Variants in KCNJ10 observed in about 807,000 individuals in gnomAD.
The protein encoded by KCNJ10 is potassium inwardly rectifying channel subfamily J member 10, also known as ATP-sensitive inward rectifier potassium channel 10.
KCNJ10 carries 9 observed loss-of-function variants against 22.2 expected under a neutral mutation model. The observed-to-expected ratio is 0.40, with a 90% confidence interval of 0.24 to 0.71. The LOEUF (loss-of-function observed/expected upper bound fraction) is 0.71. Ranked by LOEUF, KCNJ10 falls within the 30% of genes least tolerant of loss-of-function variation. KCNJ10 has a pLI of 0.35. For synonymous variants in KCNJ10, 184 were observed against 187.3 expected (o/e 0.98, Z 0.15); for missense variants, 337 against 482.7 (o/e 0.70, Z 2.83).
chr1:160,069,420 G>A (rs183746097), intron 1 of KCNJ10, among the ~76,000 whole-genome samples: 5 of 152,330 alleles, frequency 3.3e-5, no homozygotes, highest in African/African-American at 1.2e-4. Context: ...CAGCTGGGGT[G>A]AGGGTGAGGG....
chr1:160,055,692 C>T (rs1649013156), intron 1 of KCNJ10, among the ~76,000 whole-genome samples: 1 of 152,152 alleles, frequency 6.6e-6, no homozygotes, highest in Non-Finnish European at 1.5e-5. Flanking sequence ...TGCACAGTCT[C>T]ACTGTTACTC....
At chr1:160,043,586 A>C (rs1450966508) in intron 1 of KCNJ10, among the ~76,000 whole-genome samples, 1 of 152,216 alleles carries the variant, frequency 6.6e-6, no homozygotes, top group Non-Finnish European at 1.5e-5. Context: ...GGTGGAGGAG[A>C]AACAACATGT....
At chr1:160,052,645 C>T (rs957194488) in intron 1 of KCNJ10, among the ~76,000 whole-genome samples, 1 of 152,182 alleles carries the variant, frequency 6.6e-6, no homozygotes, top group African/African-American at 2.4e-5. Context: ...AAAAGCCACT[C>T]AGAACTAAGA....
intron 1 of KCNJ10, among the ~76,000 whole-genome samples, chr1:160,044,364 A>C (rs769698512): frequency 6.6e-6 from 1 of 152,236 alleles, no homozygotes; most frequent in Admixed American, 6.5e-5. Context: ...AGTACTCAGT[A>C]GTAGTAATAA....
Position 160,041,458 on chromosome 1 carries a change from C to T in KCNJ10, c.1075G>A (p.Glu359Lys), listed in dbSNP as rs2101924563. The T allele has an allele frequency of 2.5e-6, 4 of 1,614,178 alleles. No homozygotes were observed. Among genetic ancestry groups the T allele is most frequent in the East Asian group, 2.2e-5 (1 of 44,884 alleles). The stretch of plus-strand genomic sequence containing the variant: ...TTCTCAGCTTGCTCCCTTAATGACT[C>T]CTCCAACTTGAGCTTTTCAGGGTCT... ...YGDPEKLKLE[E>K]SLREQAEKEG... Residue 359 changes from glutamate to lysine, a missense_variant, in exon 2 of 2, where the codon GAG becomes AAG. By Grantham distance (56) the Glu-to-Lys change is moderately conservative. Transcript: ENST00000644903. The surrounding 1 kb of genome is among the most constrained non-coding windows in gnomAD (Gnocchi z 4.4).
chr1:160,056,007 T>A (rs1340791731), intron 1 of KCNJ10, among the ~76,000 whole-genome samples: 1 of 152,218 alleles, frequency 6.6e-6, no homozygotes. Context: ...TGTGTTTTCC[T>A]TCTTGTTCAC....
Position 160,055,313 on chromosome 1 carries a change from G to A in KCNJ10, c.1-12781C>T, listed in dbSNP as rs563352531. Among the ~76,000 whole-genome samples, 492 of 152,282 alleles carry A rather than the reference G, an allele frequency of 3.2e-3. 2 individuals carry two copies. Among genetic ancestry groups the A allele is most frequent in the African/African-American group, 0.011 (464 of 41,546 alleles). On this transcript the variant is annotated intron_variant, in intron 1 of 1. Coordinates refer to ENST00000644903, the MANE Select transcript of KCNJ10 (RefSeq NM_002241.5). ...CTAGGGGGGGCAGGGGGCAGTTAAA[G>A]CAACAGGAAGCAGGAAGCTCTCTCC... is the stretch of plus-strand genomic sequence containing the variant.
intron 1 of KCNJ10, among the ~76,000 whole-genome samples, chr1:160,050,443 T>C (rs1648875650): frequency 6.7e-6 from 1 of 148,658 alleles, no homozygotes; most frequent in Non-Finnish European, 1.5e-5. Flanking sequence ...TCAGTAAACA[T>C]TTTTTTTTCC....
rs1468474602 is a variant in KCNJ10 at position 160,038,227 on chromosome 1, A to C, written c.*3166T>G. 2 of 152,238 alleles carry C rather than the reference A, an allele frequency of 1.3e-5. No individual in the cohort carries two copies. Among genetic ancestry groups the C allele is most frequent in the Admixed American group, 1.3e-4 (2 of 15,290 alleles). The allele number at this position is 152,238 out of a possible 1,614,324, so 9.4% of individuals were successfully genotyped here. On this transcript the variant is annotated 3_prime_UTR_variant, in exon 2 of 2. Transcript: ENST00000644903. ...AGCTCCCACCCCTGTGGAAGACGGAAATACAGTGTACTTCATGAAAGGGAA... is the reference window on the plus strand; with the variant it reads ...AGCTCCCACCCCTGTGGAAGACGGACATACAGTGTACTTCATGAAAGGGAA...
chr1:160,061,603 G>T lies in KCNJ10; in HGVS notation c.-1+8419C>A, dbSNP rs145879740. 5.0e-3 allele frequency among the ~76,000 whole-genome samples: 757 copies of T among 152,032 alleles called. 7 individuals are homozygous for T. Among genetic ancestry groups the T allele is most frequent in the African/African-American group, 0.017 (722 of 41,412 alleles). On this transcript the variant is annotated intron_variant, in intron 1 of 1. Transcript: ENST00000644903. ...AAGCAGGTGCAGTCTGGGGCAGCGG[G>T]ACATTCTTAGCCCCAGGGCCACATT...
chr1:160,060,583 A>G (rs1649157619), intron 1 of KCNJ10, among the ~76,000 whole-genome samples: 1 of 152,176 alleles, frequency 6.6e-6, no homozygotes, highest in African/African-American at 2.4e-5. Flanking sequence ...TTTGCTGATG[A>G]GCAAACCAAT....
intron 1 of KCNJ10, among the ~76,000 whole-genome samples, chr1:160,069,488 G>T (rs34598665): frequency 0.25 from 37,658 of 152,108 alleles, 5,084 homozygotes; most frequent in South Asian, 0.42. Context: ...AAGAGATTGG[G>T]TGGGCAGGGG....
At chr1:160,068,266 C>T (rs954930334) in intron 1 of KCNJ10, among the ~76,000 whole-genome samples, 1 of 136,202 alleles carries the variant, frequency 7.3e-6, no homozygotes, top group African/African-American at 2.7e-5. Context: ...AACCCTGCTA[C>T]CCCTGCCACT....
chr1:160,055,571 A>G, intron 1 of KCNJ10, among the ~76,000 whole-genome samples: 1 of 152,180 alleles, frequency 6.6e-6, no homozygotes, highest in Non-Finnish European at 1.5e-5. Flanking sequence ...TAAATGCATG[A>G]GTTTCTATTT....
In KCNJ10 at chr1:160,041,326, T is replaced by C; in HGVS notation, c.*67A>G. On this transcript the variant is annotated 3_prime_UTR_variant, in exon 2 of 2. Transcript: ENST00000644903. The surrounding 1 kb of genome is among the most constrained non-coding windows in gnomAD (Gnocchi z 4.4). ...GGGGATCTCCAGTAAACCCGGGTAGTATTCCTTACCAGGGCATTGGAAGAG... is the reference window on the plus strand; with the variant it reads ...GGGGATCTCCAGTAAACCCGGGTAGCATTCCTTACCAGGGCATTGGAAGAG... The C allele has an allele frequency of 6.8e-7, 1 of 1,469,308 alleles. No homozygotes were observed. The highest frequency in any genetic ancestry group is 1.2e-5 in the South Asian group (1 of 84,346). The allele number at this position is 1,469,308 out of a possible 1,614,324, so 91.0% of individuals were successfully genotyped here. A position where few individuals can be genotyped will look rare whatever the true frequency, so the allele number is the denominator to read the frequency against.
rs57790887 is a variant in KCNJ10 at position 160,049,675 on chromosome 1, T to TTATATA, written c.1-7149_1-7144dup. Among the ~76,000 whole-genome samples, 145 of 47,080 alleles carry TTATATA rather than the reference T, an allele frequency of 3.1e-3. 2 individuals carry two copies. The highest frequency in any genetic ancestry group is 5.3e-3 in the South Asian group (6 of 1,130). The allele number at this position is 47,080 out of a possible 152,430, so 30.9% of individuals were successfully genotyped here. A position where few individuals can be genotyped will look rare whatever the true frequency, so the allele number is the denominator to read the frequency against. ...AAGAAGGATCCAGCATTTTATTTAT[T>TTATATA]TATATATATATATATATATATATAT... On this transcript the variant is annotated intron_variant, in intron 1 of 1. Coordinates refer to ENST00000644903, the MANE Select transcript of KCNJ10 (RefSeq NM_002241.5).
At chr1:160,054,644 G>C (rs999128293) in intron 1 of KCNJ10, among the ~76,000 whole-genome samples, 1 of 152,198 alleles carries the variant, frequency 6.6e-6, no homozygotes, top group South Asian at 2.1e-4. Flanking sequence ...GGTGATAAAC[G>C]AGAAGTCTGT....
chr1:160,038,653 A>C lies in KCNJ10; in HGVS notation c.*2740T>G, dbSNP rs576243867. 7 of 152,210 alleles carry C rather than the reference A, an allele frequency of 4.6e-5. No individual in the cohort carries two copies. The highest frequency in any genetic ancestry group is 1.3e-4 in the Admixed American group (2 of 15,280). 9.4% of individuals were successfully genotyped at this position (152,210 alleles called of 1,614,324 possible). ...TTCTGTACATTCAATATATTTGGGC[A>C]TATATACATCTATATACATCTTTCT... On this transcript the variant is annotated 3_prime_UTR_variant, in exon 2 of 2. Coordinates refer to ENST00000644903, the MANE Select transcript of KCNJ10 (RefSeq NM_002241.5).
At chr1:160,046,000 A>G (rs573466085) in intron 1 of KCNJ10, among the ~76,000 whole-genome samples, 2 of 152,298 alleles carry the variant, frequency 1.3e-5, no homozygotes, top group South Asian at 4.1e-4. Flanking sequence ...GGCGGAGATA[A>G]AAGCTTTGGA....
Sources: gnomAD v4.1 joint callset for allele counts (sites outside exome capture counted in the v4.1 genomes callset) on GRCh38, gnomAD v4.1.1 for gene constraint, Gnocchi (gnomAD v3.1) non-coding constraint, MANE v1.5 for transcripts, NCBI Gene and HGNC (gene_info 2026-07-23, HGNC 2026-07-21) for gene names.